Variants in MZF1 observed in about 807,000 individuals in gnomAD.
MZF1 encodes zinc finger and SCAN domain-containing protein 6.
A neutral mutation model predicts 28.6 loss-of-function variants in MZF1; 24 were observed. That is an observed-to-expected ratio of 0.84 (90% CI 0.61 to 1.18). The LOEUF is 1.18. Ranked by LOEUF, MZF1 falls within the 50% of genes most tolerant of loss-of-function variation. MZF1 has a pLI of 0.00. For missense variants in MZF1, 1,166 were observed against 1,026.4 expected (o/e 1.14, Z -1.86); for synonymous variants, 516 against 432.5 (o/e 1.19, Z -2.40).
At chr19:58,570,008 T>C (rs2054128426) in intron 3 of MZF1, 1 of 316,072 alleles carries the variant, frequency 3.2e-6, no homozygotes, top group Non-Finnish European at 5.9e-6. Flanking sequence ...CTGCCTGCTG[T>C]CTGTTCCCCA....
Position 58,562,339 on chromosome 19 carries a change from G to A in MZF1, c.1938C>T (p.Ile646=), listed in dbSNP as rs575997059. The A allele has an allele frequency of 1.3e-6, 2 of 1,570,468 alleles. No homozygotes were observed. The highest frequency in any genetic ancestry group is 2.4e-5 in the East Asian group (1 of 40,992). ...AGGCGAAGGGCCGTTCGCCCGTGTG[G>A]ATGCGCTGGTGCTCGGTGAGCCGCG... is the stretch of plus-strand genomic sequence containing the variant. ...QVSRLTEHQR[I]HTGERPFACP... Residue 646 remains isoleucine (I), a synonymous_variant, in exon 6 of 6, where the codon ATC becomes ATT. Transcript: ENST00000215057.
Position 58,563,299 on chromosome 19 carries a change from C to CA in MZF1, c.977dup (p.Ala329CysfsTer26), listed in dbSNP as rs1471309498. On this transcript the variant is annotated frameshift_variant, in exon 6 of 6. Transcript: ENST00000215057. LOFTEE classifies it low-confidence loss of function (END_TRUNC). ...AGCGGGTGGTGATCAGAGCAGGGCC[C>CA]ACACCCCGGCAGGGATCCTCGTCCG... 6.2e-6 allele frequency: 10 copies of CA among 1,607,844 alleles called. No individual in the cohort carries two copies. The highest frequency in any genetic ancestry group is 1.7e-5 in the Admixed American group (1 of 59,286).
rs546724833 is a variant in MZF1 at position 58,561,996 on chromosome 19, T to C, written c.*76A>G. The stretch of plus-strand genomic sequence containing the variant: ...CCCTGGGCGGACCTGCTTATACTTA[T>C]GTAATCGCCAGCCTCACAATAACCA... On this transcript the variant is annotated 3_prime_UTR_variant, in exon 6 of 6. Transcript: ENST00000215057. 95 of 1,438,674 alleles carry C rather than the reference T, an allele frequency of 6.6e-5. 1 individual carries two copies. The highest frequency in any genetic ancestry group is 2.3e-4 in the Middle Eastern group (1 of 4,324). The allele number at this position is 1,438,674 out of a possible 1,614,324, so 89.1% of individuals were successfully genotyped here. A position where few individuals can be genotyped will look rare whatever the true frequency, so the allele number is the denominator to read the frequency against.
intron 5 of MZF1, 24 bp from the exon 6 acceptor site, chr19:58,563,528 A>T: frequency 6.7e-7 from 1 of 1,492,574 alleles, no homozygotes; most frequent in South Asian, 1.3e-5. Flanking sequence ...GGGACCATTC[A>T]TTCATGACAG....
chr19:58,571,643 G>C, intron 1 of MZF1: 1 of 528,482 alleles, frequency 1.9e-6, no homozygotes, highest in East Asian at 3.1e-5. Context: ...GCTTGGGCCT[G>C]TGCAAAGTCT....
chr19:58,566,069 A>C (rs1600102423), intron 5 of MZF1, among the ~76,000 whole-genome samples: 1 of 147,352 alleles, frequency 6.8e-6, no homozygotes, highest in Non-Finnish European at 1.5e-5. Flanking sequence ...TGAACCCGGG[A>C]GGCGGAGCTT....
At position 58,569,272 on chromosome 19, in the gene MZF1, C is replaced by T. The variant is rs1449051029; in HGVS notation, c.772+5G>A. On this transcript the variant is annotated splice_donor_5th_base_variant and intron_variant, in intron 5 of 5. Transcript: ENST00000215057. Reference sequence around the variant, plus strand: ...CCTAGTCCCACCACACCCCATCTCACTTACCTGGGGAGAAGATGCCCCCAG... The same window carrying T: ...CCTAGTCCCACCACACCCCATCTCATTTACCTGGGGAGAAGATGCCCCCAG... The T allele has an allele frequency of 5.0e-6, 8 of 1,593,560 alleles. No homozygotes were observed. Among genetic ancestry groups the T allele is most frequent in the East Asian group, 2.2e-5 (1 of 44,770 alleles).
intron 5 of MZF1, among the ~76,000 whole-genome samples, chr19:58,567,279 C>T (rs1026573165): frequency 6.6e-6 from 1 of 152,190 alleles, no homozygotes; most frequent in Admixed American, 6.5e-5. Flanking sequence ...GAGCAGGGCA[C>T]CAGCCAGGCT....
intron 4 of MZF1, 43 bp downstream of exon 4, chr19:58,569,473 C>T: frequency 6.2e-7 from 1 of 1,613,366 alleles, no homozygotes; most frequent in Non-Finnish European, 8.5e-7. Flanking sequence ...CACCCAGCAA[C>T]TTCCAGGGAA....
intron 5 of MZF1, chr19:58,568,414 G>T (rs2080976726): frequency 6.6e-6 from 1 of 152,076 alleles, no homozygotes; most frequent in Non-Finnish European, 1.5e-5. Flanking sequence ...CAAGTAAGAG[G>T]CATCCCAGAA....
chr19:58,567,814 ACT>A (rs1417491919), intron 5 of MZF1, among the ~76,000 whole-genome samples: 5 of 152,226 alleles, frequency 3.3e-5, no homozygotes, highest in Admixed American at 2.6e-4. Context: ...TAGAGAACAC[ACT>A]GTTTTTTTTT....
Position 58,563,234 on chromosome 19 carries a change from G to C in MZF1, c.1043C>G (p.Thr348Ser), listed in dbSNP as rs925673573. ...GCCGCCCCTAACCACCCCGCCCCCA[G>C]TGCTGGGGCGGCCCCGGCTCCGGCC... The part of the protein sequence containing the change: ...PRGRSRGRPS[T>S]GGGVVRGGRC... Residue 348 changes from threonine (T) to serine (S), a missense_variant, in exon 6 of 6, where the codon ACT becomes AGT. Transcript: ENST00000215057. 1.2e-6 allele frequency: 2 copies of C among 1,609,868 alleles called. No homozygotes were observed. The highest frequency in any genetic ancestry group is 1.7e-5 in the Admixed American group (1 of 59,684).
intron 5 of MZF1, among the ~76,000 whole-genome samples, chr19:58,565,936 C>T (rs1156685823): frequency 6.8e-6 from 1 of 146,426 alleles, no homozygotes; most frequent in Non-Finnish European, 1.5e-5. Flanking sequence ...GTCAGGAGAT[C>T]GAGACCATCC....
At chr19:58,569,636 T>G (rs776540448) in intron 3 of MZF1, 50 bp from the exon 4 acceptor site, 3 of 1,462,804 alleles carry the variant, frequency 2.1e-6, no homozygotes, top group Middle Eastern at 1.8e-4. Flanking sequence ...TCCACCCCAC[T>G]GCCCTTCTTA....
chr19:58,563,680 T>G, intron 5 of MZF1, 176 bp from the exon 6 acceptor site: 1 of 565,112 alleles, frequency 1.8e-6, no homozygotes, highest in Non-Finnish European at 3.1e-6. Context: ...GATGAGGTGA[T>G]AATGAGACAG....
chr19:58,566,571 G>C (rs926525336), intron 5 of MZF1, among the ~76,000 whole-genome samples: 1 of 152,180 alleles, frequency 6.6e-6, no homozygotes, highest in Admixed American at 6.5e-5. Context: ...AAGACTGTGT[G>C]GCCCAGGCAG....
chr19:58,571,315 C>T lies in MZF1; in HGVS notation c.75G>A (p.Glu25=), dbSNP rs933300063. ...EDEGPVMVKL[E]DSEEEGEAAL... is the part of the protein sequence containing the mutation. ...CAGCCTCACCCTCCTCCTCAGAGTC[C>T]TCTAGCTTCACCATGACAGGCCCCT... The change falls in exon 2 of 6, where the codon GAG becomes GAA. Residue 25 remains glutamate, a synonymous_variant. Coordinates refer to ENST00000215057, the MANE Select transcript of MZF1 (RefSeq NM_198055.2). 4 of 1,614,188 alleles carry T rather than the reference C, an allele frequency of 2.5e-6. No individual in the cohort carries two copies. Among genetic ancestry groups the T allele is most frequent in the Non-Finnish European group, 3.4e-6 (4 of 1,180,022 alleles).
intron 5 of MZF1, chr19:58,564,023 C>T (rs1438174415): frequency 1.3e-5 from 2 of 152,288 alleles, no homozygotes; most frequent in African/African-American, 4.8e-5. Context: ...CACACAGAAC[C>T]CGGGCCTGCA....
chr19:58,562,810 C>A lies in MZF1; in HGVS notation c.1467G>T (p.Glu489Asp). The A allele has an allele frequency of 6.5e-7, 1 of 1,534,794 alleles. No individual in the cohort carries two copies. Among genetic ancestry groups the A allele is most frequent in the South Asian group, 1.2e-5 (1 of 84,408 alleles). Residue 489 changes from glutamate (E) to aspartate (D), a missense_variant, in exon 6 of 6, where the codon GAG becomes GAT. By Grantham distance (45) the Glu-to-Asp change is conservative (BLOSUM62 2). Coordinates refer to ENST00000215057, the MANE Select transcript of MZF1 (RefSeq NM_198055.2). ...PEPPGPFPCS[E>D]CRESFARRAV... is the part of the protein sequence containing the mutation. ...CGCGCCGCGCGAAGCTCTCGCGGCA[C>A]TCGCTGCACGGAAAGGGGCCGGGAG... is the stretch of plus-strand genomic sequence containing the variant.
Sources: gnomAD v4.1 joint callset for allele counts (sites outside exome capture counted in the v4.1 genomes callset) on GRCh38, gnomAD v4.1.1 for gene constraint, MANE v1.5 for transcripts, NCBI Gene and HGNC (gene_info 2026-07-23, HGNC 2026-07-21) for gene names.